Variants in GSPT1 observed in about 807,000 individuals in gnomAD.
The protein encoded by GSPT1 is G1 to S phase transition 1.
A neutral mutation model predicts 72.5 loss-of-function variants in GSPT1; 20 were observed. That is an observed-to-expected ratio of 0.28 (90% CI 0.19 to 0.40). The LOEUF (loss-of-function observed/expected upper bound fraction) is 0.40. GSPT1 is among the 10% of genes least tolerant of loss of function. The probability of loss-of-function intolerance (pLI) is 1.00; values close to 1 mark genes in which losing one functional copy is unlikely to be tolerated. For synonymous variants in GSPT1, 334 were observed against 293.5 expected, an observed-to-expected ratio of 1.14 and a Z score of -1.41; for missense variants, 580 against 811.9, an observed-to-expected ratio of 0.71 and a Z score of 3.47.
In GSPT1 at chr16:11,871,726, G is replaced by A. The variant is rs1448029484; in HGVS notation, c.*1393C>T. 1 of 152,166 alleles carries A rather than the reference G, an allele frequency of 6.6e-6. No individual in the cohort carries two copies. The highest frequency in any genetic ancestry group is 1.5e-5 in the Non-Finnish European group (1 of 68,038). 9.4% of individuals were successfully genotyped at this position (152,166 alleles called of 1,614,324 possible). On this transcript the variant is annotated 3_prime_UTR_variant, in exon 15 of 15. Transcript: ENST00000434724. Reference sequence around the variant, plus strand: ...TAGAGAGAAATCACAATCTAAAAGAGGCTATCTTTGATCAATGGCAACACT... The same window carrying A: ...TAGAGAGAAATCACAATCTAAAAGAAGCTATCTTTGATCAATGGCAACACT...
rs529054578 is a variant in GSPT1 at position 11,889,732 on chromosome 16, C to G, written c.776+1330G>C. The stretch of plus-strand genomic sequence containing the variant: ...TGTTGGTCAGGCTGGTCTCGAACTC[C>G]TGACCTCAGGTGATCCGCCTGCCTC... On this transcript the variant is annotated intron_variant, in intron 6 of 14. Transcript: ENST00000434724. Among the ~76,000 whole-genome samples, 4 of 152,008 alleles carry G rather than the reference C, an allele frequency of 2.6e-5. No homozygotes were observed. The South Asian group carries it at 8.3e-4, about 32-fold the overall frequency.
At chr16:11,880,140 G>A (rs1182878848) in intron 11 of GSPT1, 2 of 152,778 alleles carry the variant, frequency 1.3e-5, no homozygotes, top group Non-Finnish European at 2.9e-5. Flanking sequence ...ATGTCCTCAA[G>A]GTTCATTCAT....
Position 11,891,092 on chromosome 16 carries a change from C to A in GSPT1, c.746G>T (p.Arg249Ile). ...TTCTCTGTTTTTCTCTTTAGCTTCTCTTTCATACTTTTCAAGCGTCCTTTT... is the reference window on the plus strand; with the variant it reads ...TTCTCTGTTTTTCTCTTTAGCTTCTATTTCATACTTTTCAAGCGTCCTTTT... ...VDKRTLEKYE[R>I]EAKEKNRETW... The change falls in exon 6 of 15, where the codon AGA becomes ATA. Residue 249 changes from arginine to isoleucine, a missense_variant. Coordinates refer to ENST00000434724, the MANE Select transcript of GSPT1 (RefSeq NM_002094.4). 1 of 1,500,032 alleles carries A rather than the reference C, an allele frequency of 6.7e-7. No homozygotes were observed. Among genetic ancestry groups the A allele is most frequent in the African/African-American group, 1.4e-5 (1 of 71,656 alleles). 92.9% of individuals were successfully genotyped at this position (1,500,032 alleles called of 1,614,324 possible). A position where few individuals can be genotyped will look rare whatever the true frequency, so the allele number is the denominator to read the frequency against.
intron 4 of GSPT1, chr16:11,895,642 A>T (rs33639): frequency 1.8e-3 from 269 of 151,576 alleles, no homozygotes; most frequent in South Asian, 4.2e-3. Flanking sequence ...TTTTTTCCCC[A>T]CGAGACGGAA....
In GSPT1 at chr16:11,901,958, C is replaced by T. The variant is rs564645458; in HGVS notation, c.353-3923G>A. 1.2e-3 allele frequency among the ~76,000 whole-genome samples: 179 copies of T among 151,556 alleles called. 1 individual carries two copies. Among genetic ancestry groups the T allele is most frequent in the Middle Eastern group, 6.8e-3 (2 of 292 alleles). ...TAAAAACACAAAAATTTGCCGGGCA[C>T]GGTGTCTTGTGCCTGTAATCCCAGC... On this transcript the variant is annotated intron_variant, in intron 1 of 14. Transcript: ENST00000434724.
Position 11,885,264 on chromosome 16 carries a change from A to G in GSPT1, c.1264T>C (p.Phe422Leu). 1 of 1,523,076 alleles carries G rather than the reference A, an allele frequency of 6.6e-7. No individual in the cohort carries two copies. The highest frequency in any genetic ancestry group is 1.1e-5 in the South Asian group (1 of 88,958). The allele number at this position is 1,523,076 out of a possible 1,614,324, so 94.3% of individuals were successfully genotyped here. Residue 422 changes from phenylalanine (F) to leucine (L), a missense_variant, in exon 10 of 15, where the codon TTT (phenylalanine) becomes CTT (leucine). Phe to Leu is a conservative substitution (Grantham distance 22). Coordinates refer to ENST00000434724, the MANE Select transcript of GSPT1 (RefSeq NM_002094.4). ...GGCAAATTATCCAGATATGGAATAAACGGTAATCCACTGAGAACATAACAA... is the reference window on the plus strand; with the variant it reads ...GGCAAATTATCCAGATATGGAATAAGCGGTAATCCACTGAGAACATAACAA... ...DFCPWYIGLPFIPYLDNLPNF... is the reference protein window; with the variant it reads ...DFCPWYIGLPLIPYLDNLPNF...
chr16:11,901,612 C>T (rs1425520726), intron 1 of GSPT1, among the ~76,000 whole-genome samples: 3 of 127,774 alleles, frequency 2.3e-5, no homozygotes, highest in South Asian at 2.5e-4. Flanking sequence ...CCCATCTCCA[C>T]ACACAAAAAT....
rs746537265 is a variant in GSPT1, at chr16:11,887,633, A to G, written c.894T>C (p.Pro298=). The G allele has an allele frequency of 1.2e-6, 2 of 1,613,904 alleles. No homozygotes were observed. Among genetic ancestry groups the G allele is most frequent in the East Asian group, 4.5e-5 (2 of 44,878 alleles). The part of the protein sequence containing the change: ...EKKHFTILDA[P]GHKSFVPNMI... Reference sequence around the variant, plus strand: ...TATTTGGGACAAAACTCTTGTGGCCAGGGGCATCTAGAATTGTGAAATGCT... The same window carrying G: ...TATTTGGGACAAAACTCTTGTGGCCGGGGGCATCTAGAATTGTGAAATGCT... Residue 298 remains proline (P), a synonymous_variant, in exon 7 of 15, where the codon CCT becomes CCC. Transcript: ENST00000434724.
chr16:11,915,803 G>C lies in GSPT1; in HGVS notation c.-83C>G, dbSNP rs1243290241. The C allele has an allele frequency of 4.4e-6, 7 of 1,574,426 alleles. No homozygotes were observed. Among genetic ancestry groups the C allele is most frequent in the Non-Finnish European group, 6.0e-6 (7 of 1,163,436 alleles). ...CGGCCGGAGAGGAGTGGGCAACGCT[G>C]ACTGAGGGAAGGCGGCGGGGCAGAA... On this transcript the variant is annotated 5_prime_UTR_variant, in exon 1 of 15. Transcript: ENST00000434724.
Position 11,877,377 on chromosome 16 carries a change from C to G in GSPT1, c.1602+30G>C. ...TCTAATTTCATTTAGACATTAAAAC[C>G]CACTATGACAACAACAATAATTTGT... On this transcript the variant is annotated intron_variant, in intron 12 of 14. Coordinates refer to ENST00000434724, the MANE Select transcript of GSPT1 (RefSeq NM_002094.4). This position sits in a 1 kb window ranked among gnomAD's most constrained non-coding sequence, Gnocchi z 4.0. The G allele has an allele frequency of 6.8e-7, 1 of 1,476,680 alleles. No individual in the cohort carries two copies. The highest frequency in any genetic ancestry group is 1.3e-5 in the South Asian group (1 of 75,544). The allele number at this position is 1,476,680 out of a possible 1,614,324, so 91.5% of individuals were successfully genotyped here.
chr16:11,901,760 C>A (rs2054409591), intron 1 of GSPT1, among the ~76,000 whole-genome samples: 1 of 151,690 alleles, frequency 6.6e-6, no homozygotes, highest in East Asian at 1.9e-4. Context: ...CCACCGCACT[C>A]TAGCCTGGGT....
rs375435330 is a variant in GSPT1, at chr16:11,883,129, C to T, written c.1348-34G>A. The T allele has an allele frequency of 3.0e-6, 4 of 1,334,844 alleles. No homozygotes were observed. In the African/African-American group the frequency reaches 5.7e-5, roughly 19 times the overall value. 82.7% of individuals were successfully genotyped at this position (1,334,844 alleles called of 1,614,324 possible). Reference sequence around the variant, plus strand: ...ATGTAAAATAAAATCCAGTTTCAGACTTCTTGGTGCTGTATAACAGCTCAA... The same window carrying T: ...ATGTAAAATAAAATCCAGTTTCAGATTTCTTGGTGCTGTATAACAGCTCAA... On this transcript the variant is annotated intron_variant, in intron 10 of 14. Coordinates refer to ENST00000434724, the MANE Select transcript of GSPT1 (RefSeq NM_002094.4).
At chr16:11,886,370 C>G in intron 9 of GSPT1, 101 bp downstream of exon 9, 1 of 710,592 alleles carries the variant, frequency 1.4e-6, no homozygotes, top group East Asian at 2.7e-5. Context: ...GATATATGCT[C>G]AAAAGCATAT....
chr16:11,894,150 T>C (rs2141298233), intron 5 of GSPT1, among the ~76,000 whole-genome samples: 1 of 64,412 alleles, frequency 1.6e-5, no homozygotes, highest in East Asian at 5.3e-4. Context: ...AATGAGACCC[T>C]ATCTCAAAAA....
At chr16:11,885,095 G>A (rs1293868260) in intron 10 of GSPT1, 86 bp downstream of exon 10, 28 of 687,590 alleles carry the variant, frequency 4.1e-5, no homozygotes, top group Non-Finnish European at 7.0e-5. Flanking sequence ...GAAAAGAAAA[G>A]AAAAAAAGTT....
rs559976419 is a variant in GSPT1, at chr16:11,875,080, T to C, written c.1861+681A>G. Among the ~76,000 whole-genome samples, 10 of 152,066 alleles carry C rather than the reference T, an allele frequency of 6.6e-5. No individual in the cohort carries two copies. In the East Asian group the frequency reaches 1.7e-3, roughly 26 times the overall value. On this transcript the variant is annotated intron_variant, in intron 14 of 14. Coordinates refer to ENST00000434724, the MANE Select transcript of GSPT1 (RefSeq NM_002094.4). ...TGGCAGCACCTATAGTCCCAGCTAC[T>C]CGGGAGGCTGAGGCAGGAGAATGGC...
At chr16:11,876,351 G>C (rs1375275604) in intron 12 of GSPT1, among the ~76,000 whole-genome samples, 176 bp from the exon 13 acceptor site, 1 of 152,156 alleles carries the variant, frequency 6.6e-6, no homozygotes, top group African/African-American at 2.4e-5. Flanking sequence ...TCACAGGATG[G>C]GTCAGGCTGC....
At chr16:11,874,741 G>C (rs915889129) in intron 14 of GSPT1, among the ~76,000 whole-genome samples, 1 of 152,016 alleles carries the variant, frequency 6.6e-6, no homozygotes, top group Admixed American at 6.6e-5. Flanking sequence ...TTCATCACCA[G>C]GGCTTAGCAC....
At chr16:11,890,694 A>G (rs1472445589) in intron 6 of GSPT1, 2 of 156,620 alleles carry the variant, frequency 1.3e-5, no homozygotes, top group African/African-American at 4.8e-5. Flanking sequence ...TATAATGGTC[A>G]TATCTTAAGT....
Sources: gnomAD v4.1 joint callset for allele counts (sites outside exome capture counted in the v4.1 genomes callset) on GRCh38, gnomAD v4.1.1 for gene constraint, Gnocchi (gnomAD v3.1) non-coding constraint, MANE v1.5 for transcripts, NCBI Gene and HGNC (gene_info 2026-07-23, HGNC 2026-07-21) for gene names.